The following CLYBL variants were observed in gnomAD, a reference collection of about 807,000 sequenced individuals.
CLYBL encodes citramalyl-CoA lyase, mitochondrial.
A neutral mutation model predicts 38.9 loss-of-function variants in CLYBL; 31 were observed. That is an observed-to-expected ratio of 0.80 (90% CI 0.60 to 1.08). The LOEUF is 1.08. Among genes scored for constraint, CLYBL ranks in the 50% least tolerant of loss-of-function variants. The pLI is 0.00. For missense variants in CLYBL, 434 were observed against 411.6 expected, an observed-to-expected ratio of 1.05 and a Z score of -0.47; for synonymous variants, 171 against 158.6, an observed-to-expected ratio of 1.08 and a Z score of -0.59.
At chr13:99,607,124 A>G (rs1204119652) in intron 1 of CLYBL, among the ~76,000 whole-genome samples, 1 of 152,194 alleles carries the variant, frequency 6.6e-6, no homozygotes, top group Non-Finnish European at 1.5e-5. Flanking sequence ...GCGGTTCCCA[A>G]ACGGTTTGGT....
chr13:99,728,280 CTT>C (rs55834602), intron 1 of CLYBL, among the ~76,000 whole-genome samples: 27,921 of 106,972 alleles, frequency 0.26, 2,955 homozygotes, highest in African/African-American at 0.4. Context: ...CTTTTCTTTT[CTT>C]TTTTTTTTTT....
chr13:99,799,377 T>A (rs7335229), intron 2 of CLYBL, among the ~76,000 whole-genome samples: 5 of 150,176 alleles, frequency 3.3e-5, no homozygotes, highest in East Asian at 2.0e-4. Flanking sequence ...ATACACACAT[T>A]CACACACACA....
chr13:99,734,160 C>T (rs1440637464), intron 1 of CLYBL, among the ~76,000 whole-genome samples: 1 of 152,094 alleles, frequency 6.6e-6, no homozygotes, highest in East Asian at 1.9e-4. Flanking sequence ...TAGTCAAATA[C>T]TGTCTGGACT....
chr13:99,683,762 C>T (rs780075016), intron 1 of CLYBL, among the ~76,000 whole-genome samples: 24 of 149,096 alleles, frequency 1.6e-4, no homozygotes, highest in Non-Finnish European at 2.2e-4. Context: ...AATAAGGAGG[C>T]GTATAGTCTA....
intron 2 of CLYBL, among the ~76,000 whole-genome samples, chr13:99,820,465 T>C (rs1384508943): frequency 6.6e-6 from 1 of 151,916 alleles, no homozygotes; most frequent in Non-Finnish European, 1.5e-5. Context: ...TCTGTTTGCC[T>C]ACCTCCCCCC....
downstream of CLYBL, chr13:99,893,252 C>T (rs74113458): frequency 0.052 from 7,897 of 152,538 alleles, 520 homozygotes; most frequent in African/African-American, 0.15. Context: ...ACACTGCTTC[C>T]AGACCCCAGA....
chr13:99,709,079 C>T (rs767539809), intron 1 of CLYBL, among the ~76,000 whole-genome samples: 1 of 150,966 alleles, frequency 6.6e-6, no homozygotes, highest in Non-Finnish European at 1.5e-5. Context: ...GGCGGCAGAG[C>T]GAGACTCTGT....
chr13:99,713,537 A>G (rs1341354735), intron 1 of CLYBL, among the ~76,000 whole-genome samples: 2 of 151,444 alleles, frequency 1.3e-5, no homozygotes. Context: ...ACGGGGTTTC[A>G]CCATGTTAGC....
intron 2 of CLYBL, among the ~76,000 whole-genome samples, chr13:99,851,412 G>T (rs9557317): frequency 0.45 from 66,932 of 147,496 alleles, 16,662 homozygotes; most frequent in Non-Finnish European, 0.54. Context: ...AGTGGTGATG[G>T]TTGACAATGT....
chr13:99,674,583 G>C (rs959247379), intron 1 of CLYBL, among the ~76,000 whole-genome samples: 1 of 152,230 alleles, frequency 6.6e-6, no homozygotes, highest in Non-Finnish European at 1.5e-5. Context: ...ACTTAGGAAT[G>C]GACACAGAGC....
chr13:99,752,107 G>A (rs1251264198), intron 1 of CLYBL, among the ~76,000 whole-genome samples: 4 of 152,172 alleles, frequency 2.6e-5, no homozygotes, highest in African/African-American at 9.7e-5. Context: ...GGATGGGAGA[G>A]CAAGCCAGGC....
At chr13:99,703,886 TATAAG>T (rs1215196642) in intron 1 of CLYBL, among the ~76,000 whole-genome samples, 1 of 152,226 alleles carries the variant, frequency 6.6e-6, no homozygotes, top group African/African-American at 2.4e-5. Context: ...AGCTTATACA[TATAAG>T]ATAATGTATA....
At chr13:99,822,652 G>T (rs1184721386) in intron 2 of CLYBL, among the ~76,000 whole-genome samples, 1 of 152,180 alleles carries the variant, frequency 6.6e-6, no homozygotes, top group East Asian at 1.9e-4. Flanking sequence ...TGAAAATTAA[G>T]ATACAATCCA....
At chr13:99,897,822 T>C (rs2052599691), downstream of CLYBL, among the ~76,000 whole-genome samples, 1 of 151,974 alleles carries the variant, frequency 6.6e-6, no homozygotes, top group Non-Finnish European at 1.5e-5. Flanking sequence ...TGGCGCATGC[T>C]TGTAATCCCA....
chr13:99,624,529 A>C (rs2046842435), intron 1 of CLYBL, among the ~76,000 whole-genome samples: 1 of 152,218 alleles, frequency 6.6e-6, no homozygotes, highest in South Asian at 2.1e-4. Flanking sequence ...GGTTGTTTTT[A>C]GATTCCTCAG....
At chr13:99,761,468 GA>G (rs1020619230) in intron 1 of CLYBL, among the ~76,000 whole-genome samples, 8 of 152,150 alleles carry the variant, frequency 5.3e-5, no homozygotes, top group Non-Finnish European at 1.2e-4. Context: ...TTAACGTAAT[GA>G]CCTCCAGTAC....
chr13:99,800,111 C>T (rs1171790706), intron 2 of CLYBL, among the ~76,000 whole-genome samples: 2 of 152,242 alleles, frequency 1.3e-5, no homozygotes, highest in African/African-American at 4.8e-5. Flanking sequence ...TCACTGGCAT[C>T]TATTTTTCCC....
chr13:99,844,510 C>T (rs1294602812), intron 2 of CLYBL, among the ~76,000 whole-genome samples: 1 of 152,232 alleles, frequency 6.6e-6, no homozygotes, highest in Non-Finnish European at 1.5e-5. Flanking sequence ...TTGGTCCTCT[C>T]TGTTAGCTGC....
In CLYBL at chr13:99,871,026, G is replaced by A. The variant is rs756801183; in HGVS notation, c.891G>A (p.Leu297=). 6.2e-7 allele frequency: 1 copy of A among 1,614,032 alleles called. No individual in the cohort carries two copies. Among genetic ancestry groups the A allele is most frequent in the Non-Finnish European group, 8.5e-7 (1 of 1,179,916 alleles). The change falls in exon 7 of 9, where the codon CTG becomes CTA. Residue 297 remains leucine (L), a synonymous_variant. Transcript: ENST00000339105. The part of the protein sequence containing the change: ...SPEKIKWAEE[L]IAAFKEHQQL... ...AAAAAATTAAGTGGGCTGAAGAACTGATTGCTGCCTTTAAAGAACATCAAC... is the reference window on the plus strand; with the variant it reads ...AAAAAATTAAGTGGGCTGAAGAACTAATTGCTGCCTTTAAAGAACATCAAC...
Sources: gnomAD v4.1 joint callset for allele counts (sites outside exome capture counted in the v4.1 genomes callset) on GRCh38, gnomAD v4.1.1 for gene constraint, MANE v1.5 for transcripts, NCBI Gene and HGNC (gene_info 2026-07-23, HGNC 2026-07-21) for gene names.